Variants in PLXNA4 observed in about 807,000 individuals in gnomAD.
PLXNA4 encodes the protein plexin A4, also known as plexin-A4.
A neutral mutation model predicts 191.8 loss-of-function variants in PLXNA4; 44 were observed. The ratio of observed to expected loss-of-function variants is 0.23; its 90% CI spans 0.18 to 0.29. PLXNA4 has a LOEUF of 0.29. Among genes scored for constraint, PLXNA4 ranks in the 10% least tolerant of loss-of-function variants. PLXNA4 has a pLI of 1.00. For missense variants in PLXNA4, 1,800 were observed against 2,488.8 expected, an observed-to-expected ratio of 0.72 and a Z score of 5.89; for synonymous variants, 1,082 against 1,009.5, an observed-to-expected ratio of 1.07 and a Z score of -1.36.
chr7:132,381,537 T>C (rs1477343590), intron 3 of PLXNA4, among the ~76,000 whole-genome samples: 1 of 152,236 alleles, frequency 6.6e-6, no homozygotes, highest in East Asian at 1.9e-4. Flanking sequence ...TTTGACCAGA[T>C]AATCTTTTAT....
intron 3 of PLXNA4, among the ~76,000 whole-genome samples, chr7:132,478,758 G>A (rs576786103): frequency 6.6e-6 from 1 of 152,160 alleles, no homozygotes; most frequent in African/African-American, 2.4e-5. Context: ...AGGGCAGGTC[G>A]TCAGGTGGCT....
At chr7:132,176,527 T>G (rs1165294949) in intron 20 of PLXNA4, among the ~76,000 whole-genome samples, 1 of 152,082 alleles carries the variant, frequency 6.6e-6, no homozygotes, top group Non-Finnish European at 1.5e-5. Flanking sequence ...AGGGAGTGTA[T>G]GTGAGTGTGT....
At chr7:132,338,105 T>C (rs1208912474) in intron 3 of PLXNA4, among the ~76,000 whole-genome samples, 2 of 152,216 alleles carry the variant, frequency 1.3e-5, no homozygotes, top group Non-Finnish European at 2.9e-5. Context: ...TCATCCTCTA[T>C]GAAACTCATA....
Position 132,312,914 on chromosome 7 carries a change from A to G in PLXNA4, c.1372-14692T>C, listed in dbSNP as rs1392952878. Among the ~76,000 whole-genome samples, 3 of 152,340 alleles carry G rather than the reference A, an allele frequency of 2.0e-5. No homozygotes were observed. In the East Asian group the frequency reaches 5.8e-4, roughly 29 times the overall value. On this transcript the variant is annotated intron_variant, in intron 3 of 31. Coordinates refer to ENST00000321063, the MANE Select transcript of PLXNA4 (RefSeq NM_020911.2). The stretch of plus-strand genomic sequence containing the variant: ...GTCCATGGCTACTCACTGACCCATG[A>G]CACACCTCTGGCAACTCATGTTGCA...
rs188265065 is a variant in PLXNA4, at chr7:132,339,945, G to A, written c.1372-41723C>T. Reference sequence around the variant, plus strand: ...GAAGATATTTTTAACCAAAGACACTGTAATCTACACACACAGCATATAAAA... The same window carrying A: ...GAAGATATTTTTAACCAAAGACACTATAATCTACACACACAGCATATAAAA... On this transcript the variant is annotated intron_variant, in intron 3 of 31. Coordinates refer to ENST00000321063, the MANE Select transcript of PLXNA4 (RefSeq NM_020911.2). Among the ~76,000 whole-genome samples, 6 of 152,288 alleles carry A rather than the reference G, an allele frequency of 3.9e-5. No individual in the cohort carries two copies. The East Asian group carries it at 9.6e-4, about 24-fold the overall frequency.
intron 1 of PLXNA4, among the ~76,000 whole-genome samples, chr7:132,526,054 A>G (rs1000453241): frequency 6.6e-6 from 1 of 152,206 alleles, no homozygotes; most frequent in South Asian, 2.1e-4. Context: ...GCACTTTCAC[A>G]TCTATTTTCT....
chr7:132,521,833 G>T (rs571371452), intron 1 of PLXNA4, among the ~76,000 whole-genome samples: 2 of 152,308 alleles, frequency 1.3e-5, no homozygotes, highest in Admixed American at 6.5e-5. Flanking sequence ...GTCCTAACTT[G>T]CCAGGGCTGC....
chr7:132,418,540 T>G (rs1794741015), intron 3 of PLXNA4, among the ~76,000 whole-genome samples: 2 of 152,306 alleles, frequency 1.3e-5, no homozygotes, highest in Admixed American at 1.3e-4. Flanking sequence ...GTTAATGTCT[T>G]TGAGAACATG....
intron 3 of PLXNA4, among the ~76,000 whole-genome samples, chr7:132,382,687 T>C (rs575601299): frequency 5.9e-5 from 9 of 152,300 alleles, no homozygotes; most frequent in African/African-American, 1.7e-4. Flanking sequence ...ATCAAAATGA[T>C]CAGCAATGAT....
At chr7:132,206,449 TG>T (rs1797621153) in intron 10 of PLXNA4, among the ~76,000 whole-genome samples, 1 of 151,122 alleles carries the variant, frequency 6.6e-6, no homozygotes, top group African/African-American at 2.4e-5. Context: ...TGTGTGTGTG[TG>T]TGTGTGTGTG....
chr7:132,215,982 TGG>T (rs1797951588), intron 9 of PLXNA4, among the ~76,000 whole-genome samples: 1 of 152,228 alleles, frequency 6.6e-6, no homozygotes, highest in African/African-American at 2.4e-5. Context: ...GAGGGGATTG[TGG>T]GAGCCCCTGA....
chr7:132,244,355 G>T (rs1170290016), intron 4 of PLXNA4, among the ~76,000 whole-genome samples: 2 of 152,166 alleles, frequency 1.3e-5, no homozygotes, highest in Non-Finnish European at 2.9e-5. Context: ...ATGGCACCAG[G>T]TCTACCTTCA....
chr7:132,205,940 T>C (rs1317567315), intron 10 of PLXNA4, among the ~76,000 whole-genome samples: 2 of 152,232 alleles, frequency 1.3e-5, no homozygotes, highest in African/African-American at 2.4e-5. Flanking sequence ...GAATCCTACA[T>C]ACATATGCAT....
chr7:132,380,385 T>G (rs1804843602), intron 3 of PLXNA4, among the ~76,000 whole-genome samples: 1 of 152,146 alleles, frequency 6.6e-6, no homozygotes, highest in African/African-American at 2.4e-5. Flanking sequence ...GTGGCCCTCT[T>G]GGCTCACCCT....
At chr7:132,609,765 G>A (rs556080769) in intron 2 of PLXNA4, among the ~76,000 whole-genome samples, 12 of 152,152 alleles carry the variant, frequency 7.9e-5, no homozygotes, top group Non-Finnish European at 1.3e-4. Context: ...AGTTCTTCCC[G>A]CTACACTGGG....
chr7:132,315,112 G>C (rs1801894454), intron 3 of PLXNA4, among the ~76,000 whole-genome samples: 1 of 152,188 alleles, frequency 6.6e-6, no homozygotes, highest in African/African-American at 2.4e-5. Context: ...GCACCTAAGT[G>C]AGCCAGGGGA....
chr7:132,494,296 G>A (rs557037945), intron 2 of PLXNA4, among the ~76,000 whole-genome samples: 3 of 152,196 alleles, frequency 2.0e-5, no homozygotes, highest in Admixed American at 6.5e-5. Flanking sequence ...GAGACTGAGC[G>A]CTATTCATTA....
At chr7:132,594,027 A>G (rs1397544116) in intron 2 of PLXNA4, among the ~76,000 whole-genome samples, 1 of 152,224 alleles carries the variant, frequency 6.6e-6, no homozygotes, top group African/African-American at 2.4e-5. Context: ...AGGCTACCTG[A>G]GCTAAGGCAA....
chr7:132,590,344 C>A (rs923066290), intron 2 of PLXNA4, among the ~76,000 whole-genome samples: 1 of 152,120 alleles, frequency 6.6e-6, no homozygotes, highest in African/African-American at 2.4e-5. Context: ...TCCAGCGGGA[C>A]AGAACTAATT....
Sources: gnomAD v4.1 joint callset for allele counts (sites outside exome capture counted in the v4.1 genomes callset) on GRCh38, gnomAD v4.1.1 for gene constraint, MANE v1.5 for transcripts, NCBI Gene and HGNC (gene_info 2026-07-23, HGNC 2026-07-21) for gene names.